ITGAV: variants seen among roughly 807,000 people sequenced by gnomAD.
ITGAV encodes the protein integrin subunit alpha V.
In ITGAV, 76 loss-of-function variants were observed where a neutral mutation model predicts 143.8. That is an observed-to-expected ratio of 0.53 (90% CI 0.44 to 0.64). The LOEUF is 0.64. Among genes scored for constraint, ITGAV ranks in the 30% least tolerant of loss-of-function variants. The pLI, the probability that ITGAV is intolerant of heterozygous loss-of-function variation, is 0.00. For missense variants in ITGAV, 1,193 were observed against 1,274.7 expected, an observed-to-expected ratio of 0.94 and a Z score of 0.98; for synonymous variants, 453 against 446.7, an observed-to-expected ratio of 1.01 and a Z score of -0.18.
chr2:186,672,142 C>T (rs186946458), intron 26 of ITGAV, among the ~76,000 whole-genome samples: 27 of 151,880 alleles, frequency 1.8e-4, no homozygotes, highest in African/African-American at 5.8e-4. Flanking sequence ...TTAGTAGAGA[C>T]GGGGTTTCAC....
At chr2:186,602,787 G>T (rs1686948885) in intron 2 of ITGAV, among the ~76,000 whole-genome samples, 1 of 151,194 alleles carries the variant, frequency 6.6e-6, no homozygotes, top group Admixed American at 6.6e-5. Flanking sequence ...TGAGGCAGGA[G>T]AATCTCTTGA....
intron 10 of ITGAV, among the ~76,000 whole-genome samples, chr2:186,640,474 A>G (rs1225464498): frequency 1.3e-5 from 2 of 152,208 alleles, no homozygotes; most frequent in East Asian, 3.8e-4. Context: ...ATTATTATCT[A>G]TTATCCTCAT....
At chr2:186,598,168 T>G (rs1686797986) in intron 1 of ITGAV, among the ~76,000 whole-genome samples, 1 of 152,124 alleles carries the variant, frequency 6.6e-6, no homozygotes, top group Non-Finnish European at 1.5e-5. Context: ...ACTGTTCTTT[T>G]GTTCTAGTAT....
intron 2 of ITGAV, among the ~76,000 whole-genome samples, chr2:186,606,145 C>G (rs1349600749): frequency 6.6e-6 from 1 of 152,148 alleles, no homozygotes; most frequent in Non-Finnish European, 1.5e-5. Context: ...CTTATCGCAT[C>G]CTGCTAAACT....
chr2:186,671,134 G>C (rs1337265119), intron 26 of ITGAV, among the ~76,000 whole-genome samples: 1 of 152,086 alleles, frequency 6.6e-6, no homozygotes, highest in East Asian at 1.9e-4. Context: ...CAGACCCCTG[G>C]TTGGCCTCTG....
chr2:186,670,386 G>C (rs1689031757), intron 26 of ITGAV, among the ~76,000 whole-genome samples: 1 of 151,966 alleles, frequency 6.6e-6, no homozygotes, highest in Non-Finnish European at 1.5e-5. Flanking sequence ...CTGAGGCCTT[G>C]ACCTCCCAGG....
At chr2:186,665,416 G>A (rs1406877344) in intron 21 of ITGAV, among the ~76,000 whole-genome samples, 198 bp downstream of exon 21, 2 of 152,194 alleles carry the variant, frequency 1.3e-5, no homozygotes, top group Non-Finnish European at 2.9e-5. Flanking sequence ...GCTCCTACAC[G>A]GTTTGCAATC....
intron 2 of ITGAV, among the ~76,000 whole-genome samples, chr2:186,617,575 C>CAA (rs138362599): frequency 0.026 from 3,936 of 152,250 alleles, 183 homozygotes; most frequent in African/African-American, 0.09. Flanking sequence ...GTTTCTCTAG[C>CAA]AAAGTTTTCC....
rs1688099538 is a variant in ITGAV at position 186,641,421 on chromosome 2, T to C, written c.992T>C (p.Met331Thr). ...GTGTTTATTGGAGCACCTCTCTTCA[T>C]GGATCGTGGCTCTGATGGCAAACTC... ...ADVFIGAPLF[M>T]DRGSDGKLQE... The change falls in exon 12 of 30, where the codon ATG becomes ACG. Residue 331 changes from methionine (M) to threonine (T), a missense_variant. Physicochemically the swap from Met to Thr is moderately conservative, Grantham distance 81 (BLOSUM62 -1). Transcript: ENST00000261023. 6.2e-7 allele frequency: 1 copy of C among 1,614,096 alleles called. No individual in the cohort carries two copies. Among genetic ancestry groups the C allele is most frequent in the African/African-American group, 1.3e-5 (1 of 74,950 alleles).
intron 2 of ITGAV, among the ~76,000 whole-genome samples, chr2:186,616,670 C>T (rs984558544): frequency 1.3e-5 from 2 of 152,064 alleles, no homozygotes; most frequent in East Asian, 3.9e-4. Flanking sequence ...TCAAATTTCC[C>T]TTATAGTATT....
intron 2 of ITGAV, among the ~76,000 whole-genome samples, chr2:186,616,519 C>G (rs1234189702): frequency 1.3e-5 from 2 of 151,812 alleles, no homozygotes; most frequent in African/African-American, 4.8e-5. Context: ...ACCTCGTGAT[C>G]CGCCCGCCTC....
intron 17 of ITGAV, among the ~76,000 whole-genome samples, 156 bp from the exon 18 acceptor site, chr2:186,658,882 G>T (rs535931249): frequency 1.9e-4 from 29 of 152,156 alleles, no homozygotes; most frequent in African/African-American, 7.0e-4. Context: ...TCTTCTTTTG[G>T]ATATTCTATT....
intron 27 of ITGAV, 23 bp from the exon 28 acceptor site, chr2:186,675,797 A>T (rs200743337): frequency 1.3e-6 from 2 of 1,563,196 alleles, no homozygotes; most frequent in Admixed American, 3.4e-5. Context: ...CTGGGAAATC[A>T]TCTAATTGTT....
At chr2:186,599,631 C>T (rs1686842171) in intron 1 of ITGAV, among the ~76,000 whole-genome samples, 1 of 152,170 alleles carries the variant, frequency 6.6e-6, no homozygotes, top group Non-Finnish European at 1.5e-5. Context: ...GCTCCACCCC[C>T]AAAGTTGGGA....
At position 186,665,226 on chromosome 2, in the gene ITGAV, A is replaced by G. The variant is rs774254873; in HGVS notation, c.2166+8A>G. 2.6e-6 allele frequency: 4 copies of G among 1,553,874 alleles called. No individual in the cohort carries two copies. The highest frequency in any genetic ancestry group is 1.4e-5 in the African/African-American group (1 of 73,566). ...ATGAAGGCTGGAACTCAAGTAAGAC[A>G]ATTTAATTAAACGGATTTTTCTCCC... On this transcript the variant is annotated splice_region_variant and intron_variant, in intron 21 of 29. Transcript: ENST00000261023.
At chr2:186,667,974 A>G (rs544582725) in intron 24 of ITGAV, 198 bp downstream of exon 24, 1 of 318,504 alleles carries the variant, frequency 3.1e-6, no homozygotes, top group Non-Finnish European at 5.7e-6. Context: ...GTTTAAATAA[A>G]GCAGTTTATA....
intron 19 of ITGAV, among the ~76,000 whole-genome samples, 167 bp from the exon 20 acceptor site, chr2:186,664,327 A>T (rs1235748077): frequency 6.6e-6 from 1 of 152,208 alleles, no homozygotes; most frequent in Admixed American, 6.5e-5. Context: ...ATTTGCACCC[A>T]GTGTGCTATT....
intron 2 of ITGAV, among the ~76,000 whole-genome samples, chr2:186,613,197 G>A (rs1687263799): frequency 7.0e-6 from 1 of 142,558 alleles, no homozygotes; most frequent in African/African-American, 2.6e-5. Context: ...GTCTTAAAAT[G>A]TTAGATGCTT....
At chr2:186,616,273 A>ATTTT (rs35938539) in intron 2 of ITGAV, among the ~76,000 whole-genome samples, 16 of 79,654 alleles carry the variant, frequency 2.0e-4, no homozygotes, top group South Asian at 5.3e-4. Flanking sequence ...GATATACCTT[A>ATTTT]TTTTTTTTTT....
Sources: allele counts gnomAD v4.1 joint callset (sites outside exome capture counted in the v4.1 genomes callset), GRCh38; gene constraint gnomAD v4.1.1; transcripts MANE v1.5; gene names NCBI Gene and HGNC (gene_info 2026-07-23, HGNC 2026-07-21).